FSD2: variants seen among roughly 807,000 people sequenced by gnomAD.
The protein encoded by FSD2 is fibronectin type III and SPRY domain-containing protein 2.
In FSD2, 71 loss-of-function variants were observed where a neutral mutation model predicts 80.4. That is an observed-to-expected ratio of 0.88 (90% CI 0.73 to 1.08). The LOEUF (loss-of-function observed/expected upper bound fraction) is 1.08. Among genes scored for constraint, FSD2 ranks in the 50% least tolerant of loss-of-function variants. FSD2 has a pLI of 0.00. For synonymous variants in FSD2, 361 were observed against 329.5 expected (o/e 1.10, Z -1.03); for missense variants, 923 against 913.8 (o/e 1.01, Z -0.13).
intron 12 of FSD2, among the ~76,000 whole-genome samples, chr15:82,761,847 T>G (rs2049302987): frequency 6.6e-6 from 1 of 151,992 alleles, no homozygotes; most frequent in African/African-American, 2.4e-5. Flanking sequence ...AACACAATTG[T>G]GAGAAGTAAA....
At chr15:82,790,556 G>C (rs1037810376) in intron 1 of FSD2, among the ~76,000 whole-genome samples, 1 of 151,546 alleles carries the variant, frequency 6.6e-6, no homozygotes, top group Non-Finnish European at 1.5e-5. Flanking sequence ...GTGTGTGTGT[G>C]TGTGTGTGTG....
At chr15:82,768,802 A>G in intron 9 of FSD2, 78 bp downstream of exon 9, 1 of 1,255,418 alleles carries the variant, frequency 8.0e-7, no homozygotes, top group Non-Finnish European at 1.0e-6. Context: ...TTCTCTTCAG[A>G]CTCCGTATAC....
At chr15:82,791,550 T>C (rs2050153019) in intron 1 of FSD2, among the ~76,000 whole-genome samples, 1 of 151,948 alleles carries the variant, frequency 6.6e-6, no homozygotes, top group Non-Finnish European at 1.5e-5. Context: ...TTTTAATTTT[T>C]TTTTTAGAGA....
At chr15:82,791,755 T>A (rs1018887105) in intron 1 of FSD2, among the ~76,000 whole-genome samples, 1 of 152,160 alleles carries the variant, frequency 6.6e-6, no homozygotes, top group Admixed American at 6.5e-5. Context: ...ATCTCCCCTA[T>A]CCTAAGCAAC....
intron 2 of FSD2, 37 bp from the exon 3 acceptor site, chr15:82,786,643 T>G (rs1377546009): frequency 6.2e-7 from 1 of 1,602,608 alleles, no homozygotes; most frequent in Admixed American, 1.7e-5. Flanking sequence ...GTATTAATGT[T>G]ACATCTTCTC....
At chr15:82,764,792 G>C (rs1344839412) in intron 11 of FSD2, among the ~76,000 whole-genome samples, 2 of 151,798 alleles carry the variant, frequency 1.3e-5, no homozygotes, top group African/African-American at 4.8e-5. Flanking sequence ...TCCTTGCTTT[G>C]TTTGTGCATT....
intron 1 of FSD2, chr15:82,796,131 A>T (rs1279755098): frequency 1.3e-5 from 2 of 151,028 alleles, no homozygotes; most frequent in Admixed American, 1.3e-4. Flanking sequence ...CCTCCCAAGT[A>T]GCTGGGATTA....
At position 82,787,054 on chromosome 15, in the gene FSD2, G is replaced by C. The variant is rs557101672; in HGVS notation, c.337C>G (p.Pro113Ala). Residue 113 changes from proline (P) to alanine (A), a missense_variant, in exon 2 of 13, where the codon CCA (proline) becomes GCA (alanine). Coordinates refer to ENST00000334574, the MANE Select transcript of FSD2 (RefSeq NM_001007122.4). ...YPPYMMKRRD[P>A]AREQRDWRLS... ...CTCCAGTCTCTCTGCTCCCTGGCTG[G>C]GTCTCTCCTCTTCATCATATAAGGA... 2 of 1,613,806 alleles carry C rather than the reference G, an allele frequency of 1.2e-6. No homozygotes were observed.
intron 1 of FSD2, 110 bp from the exon 2 acceptor site, chr15:82,787,578 T>G: frequency 3.9e-6 from 2 of 507,870 alleles, no homozygotes; most frequent in Admixed American, 3.8e-5. Flanking sequence ...ATCTGTGTAG[T>G]TCAGTCGTGG....
At chr15:82,765,767 T>C (rs2049401770) in intron 10 of FSD2, 131 bp downstream of exon 10, 1 of 1,194,554 alleles carries the variant, frequency 8.4e-7, no homozygotes, top group South Asian at 1.7e-5. Flanking sequence ...CCTGAACTCC[T>C]TCTGGCCTGA....
rs757087556 is a variant in FSD2, at chr15:82,772,191, G to A, written c.1149C>T (p.Asn383=). The change falls in exon 7 of 13, where the codon AAC becomes AAT. Residue 383 remains asparagine, a synonymous_variant. Coordinates refer to ENST00000334574, the MANE Select transcript of FSD2 (RefSeq NM_001007122.4). ...CTCGGACTGAGGAACCTGTGGCTGA[G>A]TTAGGGACCTGTGGATTTATGACTG... The part of the protein sequence containing the change: ...SAPVINPQVP[N]SATGSSVRVC... 4.3e-6 allele frequency: 7 copies of A among 1,612,630 alleles called. No homozygotes were observed. The highest frequency in any genetic ancestry group is 4.5e-5 in the East Asian group (2 of 44,880).
At chr15:82,767,274 T>G (rs138623403) in intron 9 of FSD2, among the ~76,000 whole-genome samples, 186 of 152,310 alleles carry the variant, frequency 1.2e-3, no homozygotes, top group Middle Eastern at 6.8e-3. Flanking sequence ...CAGGATGGCT[T>G]TTGAGCAGAG....
chr15:82,763,129 C>G (rs533925270), intron 11 of FSD2, among the ~76,000 whole-genome samples: 1 of 152,336 alleles, frequency 6.6e-6, no homozygotes, highest in South Asian at 2.1e-4. Flanking sequence ...GCTTCAAGCT[C>G]CAGACTCACA....
At chr15:82,765,674 C>G (rs186210735) in intron 10 of FSD2, among the ~76,000 whole-genome samples, 14 of 152,314 alleles carry the variant, frequency 9.2e-5, no homozygotes, top group Non-Finnish European at 1.5e-5. Context: ...ATAAGAATTT[C>G]TAACCTATTT....
At chr15:82,804,027 T>G (rs2050473946) in intron 1 of FSD2, among the ~76,000 whole-genome samples, 1 of 152,190 alleles carries the variant, frequency 6.6e-6, no homozygotes, top group South Asian at 2.1e-4. Context: ...CCTCAGTAAG[T>G]GTTAGCTGCT....
intron 1 of FSD2, among the ~76,000 whole-genome samples, chr15:82,798,613 T>G (rs545435095): frequency 1.3e-5 from 2 of 152,328 alleles, no homozygotes; most frequent in Non-Finnish European, 2.9e-5. Flanking sequence ...TTTTTCCTTA[T>G]CCATCACTTT....
At chr15:82,802,513 T>A (rs1355430161) in intron 1 of FSD2, among the ~76,000 whole-genome samples, 1 of 152,208 alleles carries the variant, frequency 6.6e-6, no homozygotes, top group Non-Finnish European at 1.5e-5. Context: ...CTAATCAGAA[T>A]TACCCACATT....
At chr15:82,784,250 ATTTTATTTTT>A (rs1399299920) in intron 3 of FSD2, among the ~76,000 whole-genome samples, 15 of 132,074 alleles carry the variant, frequency 1.1e-4, no homozygotes, top group Middle Eastern at 3.8e-3. Flanking sequence ...ATTTTATTTT[ATTTTATTTTT>A]TTTTTATGGA....
At chr15:82,795,755 C>A (rs1438707112) in intron 1 of FSD2, among the ~76,000 whole-genome samples, 4 of 151,918 alleles carry the variant, frequency 2.6e-5, no homozygotes, top group African/African-American at 9.7e-5. Flanking sequence ...TCTCTTGAGC[C>A]CAGAAGACGG....
Sources: allele counts gnomAD v4.1 joint callset (sites outside exome capture counted in the v4.1 genomes callset), GRCh38; gene constraint gnomAD v4.1.1; transcripts MANE v1.5; gene names NCBI Gene and HGNC (gene_info 2026-07-23, HGNC 2026-07-21).